ANKRD11: variants seen among roughly 807,000 people sequenced by gnomAD.
ANKRD11 encodes the protein ankyrin repeat domain-containing protein 11.
ANKRD11 carries 17 observed loss-of-function variants against 195.7 expected under a neutral mutation model. That is an observed-to-expected ratio of 0.09 (90% CI 0.06 to 0.13). The LOEUF is 0.13. Among genes scored for constraint, ANKRD11 ranks in the 10% least tolerant of loss-of-function variants. ANKRD11 has a pLI of 1.00. For synonymous variants in ANKRD11, 1,953 were observed against 1,528.1 expected (o/e 1.28, Z -6.49); for missense variants, 3,735 against 3,566.1 (o/e 1.05, Z -1.21).
intron 1 of ANKRD11, among the ~76,000 whole-genome samples, chr16:89,469,823 C>T (rs1342000502): frequency 3.7e-3 from 2 of 542 alleles, no homozygotes; most frequent in Admixed American, 0.017. Flanking sequence ...GGCGTGAACC[C>T]GGGAGCGGCA....
chr16:89,394,019 T>C (rs1219634222), intron 2 of ANKRD11, among the ~76,000 whole-genome samples: 2 of 152,188 alleles, frequency 1.3e-5, no homozygotes, highest in Non-Finnish European at 2.9e-5. Flanking sequence ...ACCCCAGTGT[T>C]TGCTGACTGC....
intron 1 of ANKRD11, among the ~76,000 whole-genome samples, chr16:89,458,543 G>T (rs1234504076): frequency 6.6e-6 from 1 of 152,134 alleles, no homozygotes; most frequent in Non-Finnish European, 1.5e-5. Context: ...CATTTCTTAG[G>T]AATAACATTT....
chr16:89,324,358 A>G (rs1473604624), intron 2 of ANKRD11: 4 of 1,014,706 alleles, frequency 3.9e-6, no homozygotes, highest in Non-Finnish European at 4.1e-6. Flanking sequence ...AAGAGGGAAA[A>G]AGCCAGGAGG....
At chr16:89,447,183 T>C (rs567926429) in intron 1 of ANKRD11, among the ~76,000 whole-genome samples, 1 of 152,154 alleles carries the variant, frequency 6.6e-6, no homozygotes, top group South Asian at 2.1e-4. Flanking sequence ...CCCCAATGCA[T>C]ATTTGCAACC....
chr16:89,367,496 T>C (rs1597803427), intron 2 of ANKRD11, among the ~76,000 whole-genome samples: 1 of 152,198 alleles, frequency 6.6e-6, no homozygotes, highest in Admixed American at 6.5e-5. Flanking sequence ...AGTGTACAGC[T>C]GCCATGGTCA....
chr16:89,281,847 G>A lies in ANKRD11; in HGVS notation c.4695C>T (p.Asp1565=), dbSNP rs947770429. The A allele has an allele frequency of 3.7e-6, 6 of 1,613,856 alleles. No homozygotes were observed. The highest frequency in any genetic ancestry group is 2.7e-5 in the African/African-American group (2 of 74,920). ...VAPSKDPGKK[D]ARPREKLLGD... is the part of the protein sequence containing the mutation. ...CCAGGAGCTTCTCCCTGGGCCTGGC[G>A]TCTTTCTTGCCTGGGTCTTTGGATG... Residue 1565 remains aspartate (D), a synonymous_variant, in exon 9 of 13, where the codon GAC becomes GAT. Transcript: ENST00000301030. This position sits in a 1 kb window ranked among gnomAD's most constrained non-coding sequence, Gnocchi z 5.5.
At chr16:89,373,882 G>A (rs2040302400) in intron 2 of ANKRD11, among the ~76,000 whole-genome samples, 1 of 152,218 alleles carries the variant, frequency 6.6e-6, no homozygotes, top group South Asian at 2.1e-4. Context: ...ACTTGACACA[G>A]AGGTGGGGCC....
intron 1 of ANKRD11, among the ~76,000 whole-genome samples, chr16:89,476,943 T>G (rs1018325650): frequency 6.6e-5 from 10 of 152,074 alleles, no homozygotes. Context: ...CTGGAACACA[T>G]GATATGGTAA....
intron 1 of ANKRD11, among the ~76,000 whole-genome samples, chr16:89,462,829 C>A (rs1393541750): frequency 6.6e-6 from 1 of 150,738 alleles, no homozygotes; most frequent in Non-Finnish European, 1.5e-5. Flanking sequence ...GCCCCTCCGC[C>A]CGGCAGCCAC....
intron 1 of ANKRD11, among the ~76,000 whole-genome samples, chr16:89,467,910 C>T (rs1247175271): frequency 6.6e-6 from 1 of 152,094 alleles, no homozygotes; most frequent in African/African-American, 2.4e-5. Context: ...AAGTGTTTCT[C>T]TTGCCTCAGC....
At chr16:89,463,759 G>C (rs1597488879) in intron 1 of ANKRD11, among the ~76,000 whole-genome samples, 1 of 151,468 alleles carries the variant, frequency 6.6e-6, no homozygotes, top group Non-Finnish European at 1.5e-5. Flanking sequence ...AAATTGTCTA[G>C]TTCACATTTA....
chr16:89,296,262 G>C (rs1022596181), intron 4 of ANKRD11, among the ~76,000 whole-genome samples: 1 of 151,984 alleles, frequency 6.6e-6, no homozygotes, highest in African/African-American at 2.4e-5. Flanking sequence ...TTGAATTTGA[G>C]GCTTGTGTTT....
chr16:89,441,697 G>C (rs1470440641), intron 1 of ANKRD11, among the ~76,000 whole-genome samples: 2 of 137,506 alleles, frequency 1.5e-5, no homozygotes, highest in African/African-American at 5.4e-5. Context: ...AACCCAGGAG[G>C]CGGACTATGC....
In ANKRD11 at chr16:89,285,038, G is replaced by T; in HGVS notation, c.1504C>A (p.Leu502Ile). 1 of 1,613,952 alleles carries T rather than the reference G, an allele frequency of 6.2e-7. No homozygotes were observed. Among genetic ancestry groups the T allele is most frequent in the Non-Finnish European group, 8.5e-7 (1 of 1,180,024 alleles). Residue 502 changes from leucine to isoleucine, a missense_variant, in exon 9 of 13, where the codon CTC becomes ATC. By Grantham distance (5) the Leu-to-Ile change is conservative (BLOSUM62 2). Transcript: ENST00000301030. This position sits in a 1 kb window ranked among gnomAD's most constrained non-coding sequence, Gnocchi z 5.6. ...TTCAGCACCAGCGGGGACCCCTTGA[G>T]GCAGCCAGAGCTCCCCAGAGAGTCC... is the stretch of plus-strand genomic sequence containing the variant. Reference protein sequence around the residue: ...DRDSLGSSGCLKGSPLVLKDP... With the variant: ...DRDSLGSSGCIKGSPLVLKDP...
At chr16:89,343,244 C>G (rs1039910430) in intron 2 of ANKRD11, among the ~76,000 whole-genome samples, 1 of 152,190 alleles carries the variant, frequency 6.6e-6, no homozygotes, top group Non-Finnish European at 1.5e-5. Context: ...CCACCCAGCT[C>G]GGCCTCCCGA....
intron 2 of ANKRD11, among the ~76,000 whole-genome samples, chr16:89,413,395 G>T (rs1435420625): frequency 1.3e-5 from 2 of 152,182 alleles, no homozygotes; most frequent in Non-Finnish European, 2.9e-5. Context: ...GGAGGCTGAG[G>T]TGGGCAGATC....
intron 2 of ANKRD11, among the ~76,000 whole-genome samples, chr16:89,328,587 G>A (rs1469126212): frequency 3.3e-5 from 5 of 150,626 alleles, no homozygotes; most frequent in Non-Finnish European, 5.9e-5. Context: ...ACACCCAGGC[G>A]TACGGGTGAA....
At chr16:89,476,976 G>T (rs553734352) in intron 1 of ANKRD11, among the ~76,000 whole-genome samples, 2 of 152,188 alleles carry the variant, frequency 1.3e-5, no homozygotes, top group Non-Finnish European at 1.5e-5. Flanking sequence ...CGAGGAGCTC[G>T]TTAAGCTCAG....
At chr16:89,286,208 G>A (rs754792516) in intron 7 of ANKRD11, 22 bp from the exon 8 acceptor site, 48 of 1,610,682 alleles carry the variant, frequency 3.0e-5, no homozygotes, top group Non-Finnish European at 3.8e-5. Context: ...TAACACCCGC[G>A]TCAGGGACTG....
Sources: gnomAD v4.1 joint callset for allele counts (sites outside exome capture counted in the v4.1 genomes callset) on GRCh38, gnomAD v4.1.1 for gene constraint, Gnocchi (gnomAD v3.1) non-coding constraint, MANE v1.5 for transcripts, NCBI Gene and HGNC (gene_info 2026-07-23, HGNC 2026-07-21) for gene names.